Variants in PRKN observed in about 807,000 individuals in gnomAD.
PRKN encodes parkin RBR E3 ubiquitin protein ligase.
PRKN carries 56 observed loss-of-function variants against 59.5 expected under a neutral mutation model. The ratio of observed to expected loss-of-function variants is 0.94; its 90% CI spans 0.76 to 1.18. The LOEUF is 1.18. PRKN is among the 50% of genes most tolerant of loss of function. PRKN has a pLI of 0.00. For synonymous variants in PRKN, 250 were observed against 222.1 expected (o/e 1.13, Z -1.12); for missense variants, 657 against 596.4 (o/e 1.10, Z -1.06).
intron 5 of PRKN, among the ~76,000 whole-genome samples, chr6:162,051,238 C>T (rs28534015): frequency 0.16 from 24,539 of 152,094 alleles, 2,748 homozygotes; most frequent in East Asian, 0.55. Context: ...TTCCCACTCA[C>T]TCAGCACGGA....
intron 9 of PRKN, among the ~76,000 whole-genome samples, chr6:161,486,436 T>C (rs1221459639): frequency 6.6e-6 from 1 of 152,172 alleles, no homozygotes; most frequent in Non-Finnish European, 1.5e-5. Context: ...CATAGAACCA[T>C]AAGGATTTTA....
At chr6:161,798,372 G>A (rs1166741890) in intron 6 of PRKN, among the ~76,000 whole-genome samples, 2 of 152,210 alleles carry the variant, frequency 1.3e-5, no homozygotes, top group African/African-American at 4.8e-5. Context: ...TGAGCCGGCT[G>A]CAGCATTAGC....
chr6:162,519,676 T>C (rs1210978566), intron 1 of PRKN, among the ~76,000 whole-genome samples: 1 of 152,162 alleles, frequency 6.6e-6, no homozygotes, highest in African/African-American at 2.4e-5. Context: ...ATTTATTCTA[T>C]TTCCCACTGA....
chr6:161,658,271 A>T (rs1784427546), intron 7 of PRKN, among the ~76,000 whole-genome samples: 1 of 152,104 alleles, frequency 6.6e-6, no homozygotes, highest in Admixed American at 6.6e-5. Flanking sequence ...TGCATTATTC[A>T]TGAGCCATGC....
At chr6:161,872,085 C>T (rs1247160311) in intron 6 of PRKN, among the ~76,000 whole-genome samples, 1 of 152,100 alleles carries the variant, frequency 6.6e-6, no homozygotes, top group African/African-American at 2.4e-5. Context: ...CGCATTTCAG[C>T]CCTATTTAGC....
At chr6:162,234,301 G>A (rs1000996873) in intron 3 of PRKN, among the ~76,000 whole-genome samples, 1 of 152,190 alleles carries the variant, frequency 6.6e-6, no homozygotes, top group Non-Finnish European at 1.5e-5. Context: ...GTGGAGCCAG[G>A]CCCCAGTGAG....
intron 5 of PRKN, among the ~76,000 whole-genome samples, chr6:162,027,073 C>A (rs1783464289): frequency 6.6e-6 from 1 of 152,094 alleles, no homozygotes; most frequent in African/African-American, 2.4e-5. Context: ...CGGTCTAGAG[C>A]TGGGATTCAA....
rs1284953046 is a variant in PRKN at position 161,946,412 on chromosome 6, ACACTCT to A, written c.734+26884_734+26889del. 7.2e-3 allele frequency among the ~76,000 whole-genome samples: 682 copies of A among 94,214 alleles called. 4 individuals are homozygous for A. Among genetic ancestry groups the A allele is most frequent in the African/African-American group, 0.019 (595 of 31,170 alleles). The allele number at this position is 94,214 out of a possible 152,430, so 61.8% of individuals were successfully genotyped here. A position where few individuals can be genotyped will look rare whatever the true frequency, so the allele number is the denominator to read the frequency against. ...CACACACACACACACACACACACAC[ACACTCT>A]CTCTCTCTCTCTCTCTCTCTCTCTC... On this transcript the variant is annotated intron_variant, in intron 6 of 11. Coordinates refer to ENST00000366898, the MANE Select transcript of PRKN (RefSeq NM_004562.3).
chr6:162,613,677 G>T (rs1199632113), intron 1 of PRKN, among the ~76,000 whole-genome samples: 1 of 151,748 alleles, frequency 6.6e-6, no homozygotes, highest in African/African-American at 2.4e-5. Flanking sequence ...ACTCCCCTAA[G>T]AAAAAAATGA....
At chr6:162,059,102 T>C (rs1256622524) in intron 4 of PRKN, among the ~76,000 whole-genome samples, 4 of 152,156 alleles carry the variant, frequency 2.6e-5, no homozygotes, top group African/African-American at 9.7e-5. Context: ...CAGATGTTTA[T>C]TTTTTCATAT....
intron 2 of PRKN, among the ~76,000 whole-genome samples, chr6:162,363,216 C>T (rs1785246800): frequency 1.3e-5 from 2 of 151,892 alleles, no homozygotes; most frequent in African/African-American, 4.8e-5. Flanking sequence ...CCCTCCATGC[C>T]CCTGCCCAGG....
chr6:162,453,747 A>C (rs1418583909), intron 1 of PRKN, among the ~76,000 whole-genome samples: 3 of 152,112 alleles, frequency 2.0e-5, no homozygotes, highest in Non-Finnish European at 4.4e-5. Flanking sequence ...TACTAAAAAT[A>C]TCAAAATTAG....
At chr6:161,678,568 A>ATTT (rs201640028) in intron 7 of PRKN, among the ~76,000 whole-genome samples, 1,956 of 121,374 alleles carry the variant, frequency 0.016, 127 homozygotes, top group African/African-American at 0.054. Context: ...TTGGTGCCTG[A>ATTT]TTTTTTTTTT....
At chr6:161,452,470 A>G (rs1426935589) in intron 9 of PRKN, among the ~76,000 whole-genome samples, 1 of 152,200 alleles carries the variant, frequency 6.6e-6, no homozygotes, top group Non-Finnish European at 1.5e-5. Flanking sequence ...CACAAGGCTG[A>G]GCTGTTTCAC....
intron 4 of PRKN, among the ~76,000 whole-genome samples, chr6:162,172,942 C>T (rs1374785889): frequency 6.6e-6 from 1 of 152,176 alleles, no homozygotes; most frequent in Non-Finnish European, 1.5e-5. Flanking sequence ...TAGAGTGCAA[C>T]CCCCTGAGGG....
At chr6:162,443,818 A>T (rs1790180010) in intron 1 of PRKN, among the ~76,000 whole-genome samples, 1 of 152,138 alleles carries the variant, frequency 6.6e-6, no homozygotes, top group African/African-American at 2.4e-5. Context: ...CTCAGCTCTG[A>T]CAGCATGTAC....
chr6:162,619,124 T>C (rs150599581), intron 1 of PRKN, among the ~76,000 whole-genome samples: 60 of 149,326 alleles, frequency 4.0e-4, no homozygotes, highest in African/African-American at 1.4e-3. Context: ...ACCTTAAACA[T>C]ATCTAATCCA....
At chr6:161,829,702 G>A (rs1278428667) in intron 6 of PRKN, among the ~76,000 whole-genome samples, 1 of 152,022 alleles carries the variant, frequency 6.6e-6, no homozygotes, top group Non-Finnish European at 1.5e-5. Flanking sequence ...GGATGCCCCG[G>A]AGAGCAAAGA....
At chr6:161,384,360 T>C (rs1187993187) in intron 10 of PRKN, among the ~76,000 whole-genome samples, 1 of 150,998 alleles carries the variant, frequency 6.6e-6, no homozygotes, top group Non-Finnish European at 1.5e-5. Context: ...CTGGGCAACA[T>C]GCTGAAACCC....
Sources: gnomAD v4.1 joint callset for allele counts (sites outside exome capture counted in the v4.1 genomes callset) on GRCh38, gnomAD v4.1.1 for gene constraint, MANE v1.5 for transcripts, NCBI Gene and HGNC (gene_info 2026-07-23, HGNC 2026-07-21) for gene names.